Variants in GRM5 observed in about 807,000 individuals in gnomAD.
GRM5 encodes glutamate metabotropic receptor 5.
GRM5 carries 19 observed loss-of-function variants against 83.1 expected under a neutral mutation model. That is an observed-to-expected ratio of 0.23 (90% confidence interval 0.16 to 0.34). The LOEUF (loss-of-function observed/expected upper bound fraction) is 0.34, where lower values mean the gene tolerates loss of function less well. GRM5 is among the 10% of genes least tolerant of loss of function. The probability of loss-of-function intolerance (pLI) is 1.00; values close to 1 mark genes in which losing one functional copy is unlikely to be tolerated. For synonymous variants in GRM5, 675 were observed against 633.6 expected (o/e 1.07, Z -0.98); for missense variants, 1,160 against 1,588.3 (o/e 0.73, Z 4.58).
At chr11:88,617,894 G>C (rs1257425403) in intron 4 of GRM5, among the ~76,000 whole-genome samples, 1 of 152,184 alleles carries the variant, frequency 6.6e-6, no homozygotes, top group African/African-American at 2.4e-5. Flanking sequence ...GGAACCTGGA[G>C]TGGGACAGGG....
chr11:88,926,604 C>T (rs376147410), intron 2 of GRM5, among the ~76,000 whole-genome samples: 2 of 152,254 alleles, frequency 1.3e-5, no homozygotes, highest in African/African-American at 4.8e-5. Flanking sequence ...TTCATTGGAG[C>T]TAGAATTTTC....
intron 3 of GRM5, among the ~76,000 whole-genome samples, chr11:88,707,038 G>A (rs1941176965): frequency 6.6e-6 from 1 of 152,004 alleles, no homozygotes; most frequent in African/African-American, 2.4e-5. Flanking sequence ...GAATGATTCT[G>A]CATCGCTCTG....
intron 2 of GRM5, among the ~76,000 whole-genome samples, chr11:89,002,868 A>G (rs540427870): frequency 6.6e-6 from 1 of 152,176 alleles, no homozygotes; most frequent in African/African-American, 2.4e-5. Flanking sequence ...TCATTGCTCT[A>G]AAGTCCTCTT....
At chr11:88,791,886 A>G (rs1047978249) in intron 3 of GRM5, among the ~76,000 whole-genome samples, 1 of 152,054 alleles carries the variant, frequency 6.6e-6, no homozygotes, top group African/African-American at 2.4e-5. Context: ...CTGGGCTTTT[A>G]TGTCATTAAT....
intron 9 of GRM5, among the ~76,000 whole-genome samples, chr11:88,520,187 G>T (rs1339918035): frequency 1.3e-5 from 2 of 152,146 alleles, no homozygotes; most frequent in Admixed American, 1.3e-4. Context: ...TTAGTATAGT[G>T]TGGGATACAT....
chr11:88,891,051 T>C (rs1432631047), intron 2 of GRM5, among the ~76,000 whole-genome samples: 2 of 152,062 alleles, frequency 1.3e-5, no homozygotes, highest in Non-Finnish European at 2.9e-5. Context: ...AAACTGAGCA[T>C]TGAAATAAAA....
intron 4 of GRM5, among the ~76,000 whole-genome samples, chr11:88,613,079 A>T (rs1440890091): frequency 6.6e-6 from 1 of 152,020 alleles, no homozygotes; most frequent in African/African-American, 2.4e-5. Context: ...TATGATGTCA[A>T]TTTCTTTGAA....
At position 88,928,944 on chromosome 11, in the gene GRM5, A is replaced by ACACACT. The variant is rs1565296638; in HGVS notation, c.662-78790_662-78789insAGTGTG. On this transcript the variant is annotated intron_variant, in intron 2 of 9. Transcript: ENST00000305447. ...CACACACACACACACACACACACAC[A>ACACACT]CTCAAGAGTTTATTTCTTTGGTACT... Among the ~76,000 whole-genome samples, 637 of 151,082 alleles carry ACACACT rather than the reference A, an allele frequency of 4.2e-3. 2 individuals are homozygous for ACACACT. The highest frequency in any genetic ancestry group is 0.014 in the African/African-American group (581 of 41,034).
At chr11:88,819,830 C>T (rs575289155) in intron 3 of GRM5, among the ~76,000 whole-genome samples, 1 of 152,216 alleles carries the variant, frequency 6.6e-6, no homozygotes, top group East Asian at 1.9e-4. Flanking sequence ...TTTCTTGCTG[C>T]TTTATCCCAT....
At chr11:88,833,992 G>A (rs532674427) in intron 3 of GRM5, among the ~76,000 whole-genome samples, 31 of 152,076 alleles carry the variant, frequency 2.0e-4, no homozygotes, top group African/African-American at 4.6e-4. Context: ...AAGAGAGGTT[G>A]GTTAATGGGT....
chr11:88,662,675 A>G (rs1234290733), intron 3 of GRM5, among the ~76,000 whole-genome samples: 1 of 152,118 alleles, frequency 6.6e-6, no homozygotes, highest in East Asian at 1.9e-4. Context: ...AAAAGATTCA[A>G]ATGAGGGGGA....
Position 88,554,048 on chromosome 11 carries a change from G to A in GRM5, c.2630+13005C>T, listed in dbSNP as rs1282633465. Among the ~76,000 whole-genome samples the A allele has an allele frequency of 2.0e-4, 31 of 152,236 alleles. 1 individual carries two copies. Among genetic ancestry groups the A allele is most frequent in the Admixed American group, 2.0e-3 (31 of 15,270 alleles). ...TGACCACAAATTTAGTGGCTTTAAA[G>A]CAAAAGAAATTTAATATCTTACAGT... On this transcript the variant is annotated intron_variant, in intron 8 of 9. Coordinates refer to ENST00000305447, the MANE Select transcript of GRM5 (RefSeq NM_001143831.3).
intron 3 of GRM5, among the ~76,000 whole-genome samples, chr11:88,787,014 A>G (rs1004869155): frequency 4.6e-5 from 7 of 152,250 alleles, no homozygotes; most frequent in African/African-American, 1.7e-4. Context: ...TGTTAGGTGG[A>G]AAAGACTGAC....
intron 2 of GRM5, among the ~76,000 whole-genome samples, chr11:88,853,549 T>A (rs1482162649): frequency 6.6e-6 from 1 of 151,658 alleles, no homozygotes; most frequent in African/African-American, 2.4e-5. Context: ...TAAGAGATAA[T>A]GTCTATAGTC....
chr11:88,871,149 C>T (rs373760072), intron 2 of GRM5, among the ~76,000 whole-genome samples: 6 of 151,560 alleles, frequency 4.0e-5, no homozygotes, highest in African/African-American at 1.5e-4. Flanking sequence ...AGCTTTTATG[C>T]ACATAATCTC....
At chr11:88,992,942 C>T (rs1358170631) in intron 2 of GRM5, among the ~76,000 whole-genome samples, 3 of 151,558 alleles carry the variant, frequency 2.0e-5, no homozygotes, top group African/African-American at 7.3e-5. Flanking sequence ...GTGTAGCACA[C>T]CAACATGGCA....
intron 8 of GRM5, among the ~76,000 whole-genome samples, chr11:88,556,917 G>T (rs1942642592): frequency 6.6e-6 from 1 of 152,066 alleles, no homozygotes; most frequent in Non-Finnish European, 1.5e-5. Flanking sequence ...AAAAAATGTT[G>T]CATTTAGGGT....
chr11:89,029,942 C>A (rs1317033656), intron 2 of GRM5, among the ~76,000 whole-genome samples: 4 of 152,086 alleles, frequency 2.6e-5, no homozygotes, highest in Admixed American at 6.6e-5. Flanking sequence ...TATTACACAA[C>A]ATTTTATTTT....
chr11:88,710,375 C>T (rs140286574), intron 3 of GRM5, among the ~76,000 whole-genome samples: 1 of 152,246 alleles, frequency 6.6e-6, no homozygotes, highest in Non-Finnish European at 1.5e-5. Context: ...TGTTGAGCAG[C>T]ATGCAGAACA....
Sources: gnomAD v4.1 joint callset for allele counts (sites outside exome capture counted in the v4.1 genomes callset) on GRCh38, gnomAD v4.1.1 for gene constraint, MANE v1.5 for transcripts, NCBI Gene and HGNC (gene_info 2026-07-23, HGNC 2026-07-21) for gene names.